MGAT4C: variants seen among roughly 807,000 people sequenced by gnomAD.
MGAT4C encodes MGAT4 family member C.
A neutral mutation model predicts 40.1 loss-of-function variants in MGAT4C; 19 were observed. The observed-to-expected ratio is 0.47, with a 90% confidence interval of 0.33 to 0.70. MGAT4C has a LOEUF of 0.70. Ranked by LOEUF, MGAT4C falls within the 30% of genes least tolerant of loss-of-function variation. The pLI is 0.02. For synonymous variants in MGAT4C, 181 were observed against 187.1 expected, an observed-to-expected ratio of 0.97 and a Z score of 0.27; for missense variants, 491 against 563.2, an observed-to-expected ratio of 0.87 and a Z score of 1.30.
At chr12:86,179,438 T>A (rs762451185) in intron 1 of MGAT4C, among the ~76,000 whole-genome samples, 1 of 152,072 alleles carries the variant, frequency 6.6e-6, no homozygotes, top group Non-Finnish European at 1.5e-5. Context: ...TGGAACTGGG[T>A]AATAGGCAGA....
chr12:86,388,675 GTTTT>G (rs752469980), intron 3 of MGAT4C, among the ~76,000 whole-genome samples: 1 of 98,752 alleles, frequency 1.0e-5, no homozygotes, highest in Non-Finnish European at 2.0e-5. Flanking sequence ...AGCGTTTTTT[GTTTT>G]TTTTTTTTTT....
intron 1 of MGAT4C, among the ~76,000 whole-genome samples, chr12:86,833,885 T>C (rs1952981174): frequency 6.6e-6 from 1 of 151,882 alleles, no homozygotes; most frequent in Non-Finnish European, 1.5e-5. Context: ...TCTGACATTA[T>C]ATATAAATTG....
chr12:86,597,996 T>A (rs1961606420), intron 2 of MGAT4C, among the ~76,000 whole-genome samples: 1 of 152,182 alleles, frequency 6.6e-6, no homozygotes, highest in African/African-American at 2.4e-5. Flanking sequence ...TCCTGCAAGC[T>A]CCATTCATGG....
intron 3 of MGAT4C, among the ~76,000 whole-genome samples, chr12:86,359,872 T>C (rs867503366): frequency 4.6e-5 from 7 of 152,174 alleles, no homozygotes; most frequent in Admixed American, 3.3e-4. Flanking sequence ...CAGGACCAGA[T>C]GGATTCACAG....
intron 4 of MGAT4C, among the ~76,000 whole-genome samples, chr12:85,980,696 A>C (rs1263094438): frequency 6.6e-6 from 1 of 152,166 alleles, no homozygotes; most frequent in Non-Finnish European, 1.5e-5. Flanking sequence ...GTGAACATTT[A>C]CTGATGAAAT....
intron 2 of MGAT4C, among the ~76,000 whole-genome samples, chr12:86,044,521 C>T (rs1413786087): frequency 1.3e-5 from 2 of 152,098 alleles, no homozygotes; most frequent in Admixed American, 6.5e-5. Flanking sequence ...GCAAGGTCCA[C>T]TCGCATGTGT....
intron 2 of MGAT4C, among the ~76,000 whole-genome samples, chr12:86,488,289 G>A (rs1958063033): frequency 6.6e-6 from 1 of 151,514 alleles, no homozygotes; most frequent in Admixed American, 6.6e-5. Context: ...AGCTGGGCAT[G>A]GTGGCACATG....
At chr12:86,640,291 G>C (rs1428318235) in intron 2 of MGAT4C, among the ~76,000 whole-genome samples, 1 of 151,762 alleles carries the variant, frequency 6.6e-6, no homozygotes, top group East Asian at 1.9e-4. Context: ...TGCTACAATA[G>C]TATAGTTTGC....
At position 86,590,333 on chromosome 12, in the gene MGAT4C, C is replaced by G. The variant is rs1246527099; in HGVS notation, c.-229+136876G>C. Among the ~76,000 whole-genome samples the G allele has an allele frequency of 4.0e-5, 6 of 151,482 alleles. No homozygotes were observed. The East Asian group carries it at 9.8e-4, about 25-fold the overall frequency. On this transcript the variant is annotated intron_variant, in intron 2 of 7. Coordinates refer to the MGAT4C transcript ENST00000548651. ...ACTTAGTTTTCATACCTAAGTGTGT[C>G]TCTTTCAAAGCCCCTGTCTTTCTGC...
chr12:86,550,475 T>A (rs1314291851), intron 2 of MGAT4C, among the ~76,000 whole-genome samples: 7 of 152,192 alleles, frequency 4.6e-5, no homozygotes. Flanking sequence ...TCATCTACTG[T>A]GACCAAACTG....
intron 1 of MGAT4C, among the ~76,000 whole-genome samples, chr12:86,237,831 T>C (rs985458667): frequency 6.6e-6 from 1 of 151,936 alleles, no homozygotes; most frequent in African/African-American, 2.4e-5. Context: ...AATTCATAGA[T>C]AATTTTATCT....
In MGAT4C at chr12:86,408,054, C is replaced by T. The variant is rs994807046; in HGVS notation, c.-120+27103G>A. ...AGGCAACTTCCTTGGATAGATTAAA[C>T]ATTCTTCCTGTAATTGATGGTATCA... On this transcript the variant is annotated intron_variant, in intron 3 of 7. Coordinates refer to the MGAT4C transcript ENST00000548651. Among the ~76,000 whole-genome samples, 12 of 151,956 alleles carry T rather than the reference C, an allele frequency of 7.9e-5. No individual in the cohort carries two copies. The South Asian group carries it at 1.0e-3, about 13-fold the overall frequency.
chr12:86,009,291 G>C (rs761642058), intron 2 of MGAT4C, among the ~76,000 whole-genome samples: 1 of 152,172 alleles, frequency 6.6e-6, no homozygotes. Flanking sequence ...CATTGCAACT[G>C]TTCCTTTCCA....
At chr12:86,428,924 G>T (rs934486264) in intron 3 of MGAT4C, among the ~76,000 whole-genome samples, 15 of 151,788 alleles carry the variant, frequency 9.9e-5, no homozygotes, top group African/African-American at 3.1e-4. Flanking sequence ...TTTATCTCTT[G>T]TGTTGCTTTT....
At chr12:86,459,537 G>A (rs1957561556) in intron 2 of MGAT4C, among the ~76,000 whole-genome samples, 1 of 152,010 alleles carries the variant, frequency 6.6e-6, no homozygotes, top group African/African-American at 2.4e-5. Context: ...CCTCACTCAT[G>A]CGGTCATAAG....
Position 86,499,418 on chromosome 12 carries a change from T to C in MGAT4C, c.-228-64153A>G, listed in dbSNP as rs113812330. Among the ~76,000 whole-genome samples, 502 of 151,964 alleles carry C rather than the reference T, an allele frequency of 3.3e-3. 2 individuals are homozygous for C. Among genetic ancestry groups the C allele is most frequent in the African/African-American group, 0.012 (483 of 41,508 alleles). ...GAGGTTACTGAAGGTAAAACTGCTATAGCCATATTGTCTCTATGATGGGAG... is the reference window on the plus strand; with the variant it reads ...GAGGTTACTGAAGGTAAAACTGCTACAGCCATATTGTCTCTATGATGGGAG... On this transcript the variant is annotated intron_variant, in intron 2 of 7. Transcript: ENST00000548651.
At chr12:86,527,161 G>A (rs934135687) in intron 2 of MGAT4C, among the ~76,000 whole-genome samples, 15 of 152,152 alleles carry the variant, frequency 9.9e-5, no homozygotes, top group African/African-American at 3.6e-4. Context: ...CTTGCCAGAT[G>A]TTAATTTTAA....
intron 1 of MGAT4C, among the ~76,000 whole-genome samples, chr12:86,811,310 T>C (rs964789563): frequency 4.0e-5 from 6 of 150,726 alleles, no homozygotes; most frequent in Non-Finnish European, 7.4e-5. Context: ...TTTTTTCTAA[T>C]TGATGTTCAC....
intron 1 of MGAT4C, among the ~76,000 whole-genome samples, chr12:86,143,838 C>T (rs1313342333): frequency 6.6e-6 from 1 of 152,084 alleles, no homozygotes; most frequent in Non-Finnish European, 1.5e-5. Context: ...TATTGTTGAA[C>T]CCAGCACATG....
Sources: gnomAD v4.1 joint callset for allele counts (sites outside exome capture counted in the v4.1 genomes callset) on GRCh38, gnomAD v4.1.1 for gene constraint, MANE v1.5 for transcripts, NCBI Gene and HGNC (gene_info 2026-07-23, HGNC 2026-07-21) for gene names.